LRRC28: variants seen among roughly 807,000 people sequenced by gnomAD.
LRRC28 encodes leucine rich repeat containing 28, also known as leucine-rich repeat-containing protein 28.
Under a neutral mutation model 45.7 loss-of-function variants are expected in LRRC28, and 39 were observed. That is an observed-to-expected ratio of 0.85 (90% CI 0.66 to 1.12). LRRC28 has a LOEUF of 1.12. Among genes scored for constraint, LRRC28 ranks in the 50% most tolerant of loss-of-function variants. LRRC28 has a pLI of 0.00. For synonymous variants in LRRC28, 206 were observed against 178.8 expected (o/e 1.15, Z -1.22); for missense variants, 435 against 438.5 (o/e 0.99, Z 0.07).
intron 9 of LRRC28, among the ~76,000 whole-genome samples, chr15:99,384,932 TGAA>T (rs1406749793): frequency 2.0e-5 from 3 of 152,188 alleles, no homozygotes; most frequent in Non-Finnish European, 2.9e-5. Flanking sequence ...GAGAAATTAA[TGAA>T]GAAGGACAAT....
intron 5 of LRRC28, 50 bp from the exon 6 acceptor site, chr15:99,333,869 GTTTA>G (rs1956233238): frequency 1.3e-6 from 2 of 1,542,266 alleles, no homozygotes; most frequent in Admixed American, 3.4e-5. Context: ...GATTCATTTT[GTTTA>G]TTTCAGTTCA....
chr15:99,298,969 A>G (rs2082331856), intron 5 of LRRC28, among the ~76,000 whole-genome samples: 1 of 152,170 alleles, frequency 6.6e-6, no homozygotes, highest in Admixed American at 6.5e-5. Flanking sequence ...TCTGCCTCCC[A>G]AAGTGCTGGG....
chr15:99,313,390 G>A (rs147599400), intron 5 of LRRC28, among the ~76,000 whole-genome samples: 242 of 152,088 alleles, frequency 1.6e-3, no homozygotes, highest in African/African-American at 5.5e-3. Flanking sequence ...AACAAGTAAA[G>A]ATATAGAAAA....
intron 1 of LRRC28, among the ~76,000 whole-genome samples, chr15:99,252,930 AC>A (rs1189932710): frequency 1.3e-5 from 2 of 152,210 alleles, no homozygotes; most frequent in African/African-American, 4.8e-5. Context: ...GAAGAAAACA[AC>A]GCAGTCCCTG....
chr15:99,342,761 A>T (rs1175689624), intron 6 of LRRC28, among the ~76,000 whole-genome samples: 12 of 152,218 alleles, frequency 7.9e-5, no homozygotes, highest in African/African-American at 2.9e-4. Context: ...AGTCATTCAA[A>T]TTCATTAAAA....
At chr15:99,361,074 A>G (rs1199814953) in intron 7 of LRRC28, 3 of 317,494 alleles carry the variant, frequency 9.4e-6, no homozygotes, top group Non-Finnish European at 1.7e-5. Flanking sequence ...CGGCCTAAGA[A>G]GGAAAGTTCC....
chr15:99,373,668 A>AT (rs1567707680), intron 9 of LRRC28, among the ~76,000 whole-genome samples: 1 of 152,138 alleles, frequency 6.6e-6, no homozygotes, highest in African/African-American at 2.4e-5. Context: ...GCCAACTTTA[A>AT]TTTTTTAAAA....
chr15:99,359,344 C>T lies in LRRC28; in HGVS notation c.696-1992C>T, dbSNP rs560082973. ...GTTATTGCCAATATGGAAGTTCCTA[C>T]AAATTGATATATTTTAATTTAATAG... is the stretch of plus-strand genomic sequence containing the variant. On this transcript the variant is annotated intron_variant, in intron 7 of 9. Coordinates refer to ENST00000301981, the MANE Select transcript of LRRC28 (RefSeq NM_144598.5). Among the ~76,000 whole-genome samples the T allele has an allele frequency of 8.5e-5, 13 of 152,232 alleles. 1 individual carries two copies. The East Asian group carries it at 2.5e-3, about 29-fold the overall frequency.
At chr15:99,304,013 CA>C in intron 5 of LRRC28, among the ~76,000 whole-genome samples, 1 of 152,300 alleles carries the variant, frequency 6.6e-6, no homozygotes, top group Admixed American at 6.5e-5. Context: ...GTCAGAGACT[CA>C]GTATCAGATA....
chr15:99,287,475 A>G (rs2081989836), intron 4 of LRRC28, among the ~76,000 whole-genome samples, 181 bp downstream of exon 4: 1 of 152,184 alleles, frequency 6.6e-6, no homozygotes, highest in Admixed American at 6.5e-5. Context: ...GGTTAGGTAA[A>G]CTATTGTTGG....
intron 9 of LRRC28, among the ~76,000 whole-genome samples, chr15:99,376,430 C>G (rs916174600): frequency 6.6e-6 from 1 of 151,792 alleles, no homozygotes; most frequent in Admixed American, 6.6e-5. Context: ...GATTTTAGAC[C>G]TTTCTTTTCT....
chr15:99,385,873 A>C (rs1018694847), intron 9 of LRRC28, among the ~76,000 whole-genome samples, 157 bp from the exon 10 acceptor site: 1 of 152,098 alleles, frequency 6.6e-6, no homozygotes, highest in African/African-American at 2.4e-5. Context: ...ACCTGATTCC[A>C]GTGCTCAGTT....
intron 6 of LRRC28, among the ~76,000 whole-genome samples, chr15:99,335,164 GA>G (rs1956282384): frequency 1.3e-5 from 2 of 151,904 alleles, no homozygotes; most frequent in Admixed American, 1.3e-4. Flanking sequence ...AATATAAATA[GA>G]ATTAAAAAAA....
chr15:99,280,954 T>G (rs1014617646), intron 3 of LRRC28, among the ~76,000 whole-genome samples: 2 of 152,126 alleles, frequency 1.3e-5, no homozygotes, highest in African/African-American at 4.8e-5. Context: ...GTGTTAAAAG[T>G]CAGTAATATT....
chr15:99,371,783 C>T (rs1364372152), intron 9 of LRRC28, among the ~76,000 whole-genome samples: 1 of 152,192 alleles, frequency 6.6e-6, no homozygotes, highest in East Asian at 1.9e-4. Flanking sequence ...CTGTTTCTTC[C>T]TCCTTACAAC....
intron 1 of LRRC28, among the ~76,000 whole-genome samples, chr15:99,252,596 C>T: frequency 6.6e-6 from 1 of 152,230 alleles, no homozygotes; most frequent in East Asian, 1.9e-4. Flanking sequence ...GTTTCCTCCT[C>T]TACAAAACGG....
intron 6 of LRRC28, among the ~76,000 whole-genome samples, chr15:99,343,931 C>T (rs1470240141): frequency 3.9e-5 from 6 of 152,280 alleles, no homozygotes. Context: ...CGACTGCCTT[C>T]TGGCCAGGTT....
intron 5 of LRRC28, among the ~76,000 whole-genome samples, chr15:99,298,697 C>G (rs1261020891): frequency 6.6e-6 from 1 of 152,066 alleles, no homozygotes; most frequent in East Asian, 1.9e-4. Context: ...TAGACACAAC[C>G]TATTAATAAG....
chr15:99,258,988 G>A, intron 2 of LRRC28: 2 of 763,434 alleles, frequency 2.6e-6, no homozygotes, highest in South Asian at 2.7e-5. Context: ...AACTGCTTAA[G>A]GTGATTAGGA....
Sources: gnomAD v4.1 joint callset for allele counts (sites outside exome capture counted in the v4.1 genomes callset) on GRCh38, gnomAD v4.1.1 for gene constraint, MANE v1.5 for transcripts, NCBI Gene and HGNC (gene_info 2026-07-23, HGNC 2026-07-21) for gene names.